The following PLCG2 variants were observed in gnomAD, a reference collection of about 807,000 sequenced individuals.
The protein encoded by PLCG2 is 1-phosphatidylinositol 4,5-bisphosphate phosphodiesterase gamma-2.
PLCG2 carries 69 observed loss-of-function variants against 175.6 expected under a neutral mutation model. The observed-to-expected ratio is 0.39, with a 90% CI of 0.32 to 0.48. PLCG2 has a LOEUF of 0.48. Among genes scored for constraint, PLCG2 ranks in the 20% least tolerant of loss-of-function variants. The pLI is 0.91. For synonymous variants in PLCG2, 827 were observed against 624.0 expected, an observed-to-expected ratio of 1.33 and a Z score of -4.85; for missense variants, 1,798 against 1,650.9, an observed-to-expected ratio of 1.09 and a Z score of -1.54.
chr16:81,822,966 C>A (rs1479697973), intron 2 of PLCG2, among the ~76,000 whole-genome samples: 1 of 152,156 alleles, frequency 6.6e-6, no homozygotes, highest in African/African-American at 2.4e-5. Flanking sequence ...CCAGTGCTGC[C>A]GACACCTTGG....
chr16:81,802,388 A>T (rs915997371), intron 2 of PLCG2, among the ~76,000 whole-genome samples: 2 of 151,834 alleles, frequency 1.3e-5, no homozygotes, highest in African/African-American at 4.8e-5. Flanking sequence ...CTGGGATTAC[A>T]GGCGTGAGCC....
chr16:81,907,347 G>A (rs541155391), intron 15 of PLCG2, among the ~76,000 whole-genome samples: 3 of 151,970 alleles, frequency 2.0e-5, no homozygotes, highest in East Asian at 1.9e-4. Flanking sequence ...AATATTGAAC[G>A]TAAGGTCTCC....
At chr16:81,862,823 G>T (rs1452941792) in intron 5 of PLCG2, among the ~76,000 whole-genome samples, 1 of 152,118 alleles carries the variant, frequency 6.6e-6, no homozygotes, top group Non-Finnish European at 1.5e-5. Context: ...AGTGAACCAT[G>T]ATTGTGCCAC....
Position 81,919,608 on chromosome 16 carries a change from C to G in PLCG2, c.2179C>G (p.Arg727Gly). ...VSYYEKHSLYRKMRLRYPVTP... is the reference protein window; with the variant it reads ...VSYYEKHSLYGKMRLRYPVTP... ...TTACTACGAGAAGCATTCACTCTAC[C>G]GAAAGATGAGACTGCGCTACCCCGT... The change falls in exon 20 of 33, where the codon CGA becomes GGA. Residue 727 changes from arginine to glycine, a missense_variant. Transcript: ENST00000564138. 6 of 1,614,070 alleles carry G rather than the reference C, an allele frequency of 3.7e-6. No individual in the cohort carries two copies. The highest frequency in any genetic ancestry group is 5.1e-6 in the Non-Finnish European group (6 of 1,180,000).
intron 9 of PLCG2, among the ~76,000 whole-genome samples, chr16:81,888,651 G>A (rs370255394): frequency 3.9e-5 from 6 of 152,160 alleles, no homozygotes; most frequent in Admixed American, 2.6e-4. Flanking sequence ...GCACAGAGAC[G>A]GTATGTAACT....
chr16:81,954,927 A>G (rs1911507346), intron 31 of PLCG2, among the ~76,000 whole-genome samples: 1 of 152,142 alleles, frequency 6.6e-6, no homozygotes, highest in African/African-American at 2.4e-5. Context: ...TGTCTTCCAC[A>G]ATGGTTGAAC....
At chr16:81,946,970 A>G (rs767787124) in intron 31 of PLCG2, among the ~76,000 whole-genome samples, 36 of 152,138 alleles carry the variant, frequency 2.4e-4, no homozygotes, top group African/African-American at 6.0e-4. Flanking sequence ...TTGTGCATCT[A>G]TTGCCCGGGG....
At chr16:81,875,414 C>G (rs1907732400) in intron 7 of PLCG2, among the ~76,000 whole-genome samples, 1 of 152,140 alleles carries the variant, frequency 6.6e-6, no homozygotes, top group Non-Finnish European at 1.5e-5. Flanking sequence ...AGCTGCAGAG[C>G]TAGGATTTGA....
At chr16:81,789,476 A>T (rs893704958) in intron 2 of PLCG2, among the ~76,000 whole-genome samples, 3 of 152,098 alleles carry the variant, frequency 2.0e-5, no homozygotes, top group African/African-American at 4.8e-5. Flanking sequence ...TTTTGTGTAG[A>T]TAGGGTCTTG....
chr16:81,790,546 G>A (rs1028677055), intron 2 of PLCG2, among the ~76,000 whole-genome samples: 1 of 152,196 alleles, frequency 6.6e-6, no homozygotes, highest in Non-Finnish European at 1.5e-5. Flanking sequence ...CCCAGCTCTG[G>A]CAATTTCCTC....
chr16:81,919,619 AC>A lies in PLCG2; in HGVS notation c.2191del (p.Leu731CysfsTer5). 1 of 1,614,066 alleles carries A rather than the reference AC, an allele frequency of 6.2e-7. No individual in the cohort carries two copies. On this transcript the variant is annotated frameshift_variant, in exon 20 of 33. Transcript: ENST00000564138. LOFTEE classifies it high-confidence loss of function. ...EKHSLYRKMR[L>X]RYPVTPELLE... ...AGCATTCACTCTACCGAAAGATGAG[AC>A]TGCGCTACCCCGTGACCCCCGAGCT... is the stretch of plus-strand genomic sequence containing the variant.
intron 2 of PLCG2, among the ~76,000 whole-genome samples, chr16:81,819,181 AC>A (rs113970793): frequency 2.0e-5 from 3 of 151,956 alleles, no homozygotes; most frequent in African/African-American, 4.8e-5. Flanking sequence ...GAAGACAAAG[AC>A]CTTGTTGGGT....
chr16:81,928,681 C>A, intron 24 of PLCG2, 57 bp downstream of exon 24: 1 of 1,147,850 alleles, frequency 8.7e-7, no homozygotes, highest in Non-Finnish European at 1.3e-6. Flanking sequence ...ATGGGCTGAC[C>A]TCAGCCCCGC....
Position 81,809,685 on chromosome 16 carries a change from G to A in PLCG2, c.193+23503G>A, listed in dbSNP as rs575073829. Among the ~76,000 whole-genome samples, 8 of 152,240 alleles carry A rather than the reference G, an allele frequency of 5.3e-5. No individual in the cohort carries two copies. The South Asian group carries it at 1.7e-3, about 32-fold the overall frequency. On this transcript the variant is annotated intron_variant, in intron 2 of 32. Coordinates refer to ENST00000564138, the MANE Select transcript of PLCG2 (RefSeq NM_002661.5). ...TGCTGTTTTCTCTGTTCCCTGCGGT[G>A]TGTGAGCCTGTGTGTGCCTATGCAT...
intron 2 of PLCG2, among the ~76,000 whole-genome samples, chr16:81,795,126 A>G (rs1356089188): frequency 6.6e-6 from 1 of 152,244 alleles, no homozygotes; most frequent in African/African-American, 2.4e-5. Flanking sequence ...GGGATAAAGT[A>G]GTGAACAGGA....
At chr16:81,905,176 T>C (rs960563912) in intron 14 of PLCG2, among the ~76,000 whole-genome samples, 15 of 152,218 alleles carry the variant, frequency 9.9e-5, no homozygotes, top group Non-Finnish European at 1.8e-4. Context: ...TGTGAGCCAC[T>C]GCGCCTGACC....
intron 9 of PLCG2, among the ~76,000 whole-genome samples, chr16:81,885,271 G>A (rs912782493): frequency 3.3e-5 from 5 of 151,992 alleles, no homozygotes; most frequent in South Asian, 2.1e-4. Flanking sequence ...TGATCCACCC[G>A]CCTTGGCCTC....
intron 2 of PLCG2, among the ~76,000 whole-genome samples, chr16:81,795,917 G>A (rs539530960): frequency 2.3e-4 from 35 of 152,368 alleles, no homozygotes; most frequent in African/African-American, 7.9e-4. Context: ...TGCAAGGGAT[G>A]CTGGGAAACA....
At chr16:81,888,576 T>C (rs1201694710) in intron 9 of PLCG2, among the ~76,000 whole-genome samples, 3 of 152,196 alleles carry the variant, frequency 2.0e-5, no homozygotes, top group Non-Finnish European at 4.4e-5. Context: ...ACAGTGTACA[T>C]TTCATACAAT....
Sources: gnomAD v4.1 joint callset for allele counts (sites outside exome capture counted in the v4.1 genomes callset) on GRCh38, gnomAD v4.1.1 for gene constraint, MANE v1.5 for transcripts, NCBI Gene and HGNC (gene_info 2026-07-23, HGNC 2026-07-21) for gene names.